Variants in DLG2 observed in about 807,000 individuals in gnomAD.
The protein encoded by DLG2 is discs large MAGUK scaffold protein 2.
In DLG2, 45 loss-of-function variants were observed where a neutral mutation model predicts 132.5. That is an observed-to-expected ratio of 0.34 (90% confidence interval 0.27 to 0.44). The LOEUF is 0.44. Among genes scored for constraint, DLG2 ranks in the 20% least tolerant of loss-of-function variants. The pLI, the probability that DLG2 is intolerant of heterozygous loss-of-function variation, is 1.00. For synonymous variants in DLG2, 424 were observed against 419.6 expected (o/e 1.01, Z -0.13); for missense variants, 1,045 against 1,196.9 (o/e 0.87, Z 1.87).
At chr11:84,271,181 A>G (rs1426678582) in intron 7 of DLG2, among the ~76,000 whole-genome samples, 1 of 152,228 alleles carries the variant, frequency 6.6e-6, no homozygotes, top group Non-Finnish European at 1.5e-5. Flanking sequence ...TGAAATTGTG[A>G]TGATATAATC....
intron 6 of DLG2, among the ~76,000 whole-genome samples, chr11:84,702,740 T>C (rs2059340367): frequency 6.6e-6 from 1 of 151,636 alleles, no homozygotes; most frequent in Non-Finnish European, 1.5e-5. Context: ...TCCTATCATG[T>C]CTTTCCCTTC....
intron 19 of DLG2, among the ~76,000 whole-genome samples, chr11:83,630,116 T>C (rs115675599): frequency 5.3e-5 from 8 of 152,228 alleles, no homozygotes; most frequent in African/African-American, 1.9e-4. Context: ...AAAGTATAAC[T>C]AGATTAGAAA....
intron 11 of DLG2, among the ~76,000 whole-genome samples, chr11:84,006,786 T>G (rs1361216029): frequency 6.6e-6 from 1 of 151,582 alleles, no homozygotes; most frequent in Non-Finnish European, 1.5e-5. Flanking sequence ...CAGTAATCAC[T>G]CATTAAAAAC....
chr11:84,490,036 T>C (rs1042358327), intron 7 of DLG2, among the ~76,000 whole-genome samples: 2 of 152,124 alleles, frequency 1.3e-5, no homozygotes, highest in African/African-American at 4.8e-5. Context: ...TTAAGAATGA[T>C]TATTTAAAAG....
intron 4 of DLG2, among the ~76,000 whole-genome samples, chr11:85,227,475 A>G (rs1018095739): frequency 6.6e-6 from 1 of 152,142 alleles, no homozygotes. Context: ...TGGATGGTAA[A>G]GATCTCTCTG....
intron 6 of DLG2, among the ~76,000 whole-genome samples, chr11:84,975,356 A>G (rs935695676): frequency 1.3e-5 from 2 of 152,196 alleles, no homozygotes; most frequent in Admixed American, 1.3e-4. Context: ...AAGTCATAGT[A>G]TCAGCCTTCT....
chr11:83,715,970 TC>T (rs2086602141), intron 18 of DLG2, among the ~76,000 whole-genome samples: 2 of 152,272 alleles, frequency 1.3e-5, no homozygotes, highest in Admixed American at 1.3e-4. Flanking sequence ...CCTATAAGAC[TC>T]CCATAGTATT....
At chr11:83,797,588 C>A (rs533811250) in intron 17 of DLG2, among the ~76,000 whole-genome samples, 1 of 151,822 alleles carries the variant, frequency 6.6e-6, no homozygotes, top group Non-Finnish European at 1.5e-5. Context: ...GGTGCTATCT[C>A]GCTCACTGCA....
At chr11:84,549,416 A>G (rs2099397210) in intron 6 of DLG2, among the ~76,000 whole-genome samples, 1 of 152,220 alleles carries the variant, frequency 6.6e-6, no homozygotes, top group South Asian at 2.1e-4. Flanking sequence ...GTGAGTGAGA[A>G]TCATTCACTA....
In DLG2 at chr11:85,620,252, C is replaced by T. The variant is rs571101872; in HGVS notation, c.-93+6335G>A. On this transcript the variant is annotated intron_variant, in intron 2 of 27. Coordinates refer to ENST00000376104, the MANE Select transcript of DLG2 (RefSeq NM_001142699.3). ...ACCCACATAAGACAGCAAACTTAAT[C>T]TGTAAATGTTGTGTGTTATCTGACT... 2.0e-5 allele frequency among the ~76,000 whole-genome samples: 3 copies of T among 152,298 alleles called. No homozygotes were observed. In the East Asian group the frequency reaches 5.8e-4, roughly 29 times the overall value.
At chr11:84,312,295 C>T (rs1396555669) in intron 7 of DLG2, among the ~76,000 whole-genome samples, 1 of 151,980 alleles carries the variant, frequency 6.6e-6, no homozygotes, top group East Asian at 1.9e-4. Context: ...ATGGTGAAAC[C>T]CCATCTCTAA....
intron 3 of DLG2, among the ~76,000 whole-genome samples, chr11:85,482,260 C>A (rs1004257493): frequency 6.6e-6 from 1 of 152,156 alleles, no homozygotes; most frequent in Admixed American, 6.5e-5. Flanking sequence ...CCAGGCTCCA[C>A]CCAGTCCAAG....
intron 6 of DLG2, among the ~76,000 whole-genome samples, chr11:85,072,577 T>G (rs2066008303): frequency 6.6e-6 from 1 of 151,854 alleles, no homozygotes; most frequent in Non-Finnish European, 1.5e-5. Flanking sequence ...ATACATTTCG[T>G]CATTTAATTA....
intron 6 of DLG2, among the ~76,000 whole-genome samples, chr11:84,738,127 A>T (rs2064107871): frequency 6.6e-6 from 1 of 152,120 alleles, no homozygotes; most frequent in Non-Finnish European, 1.5e-5. Flanking sequence ...AGGCTCAGAA[A>T]TAGGTATCAT....
At chr11:84,856,907 T>G (rs1371873752) in intron 6 of DLG2, among the ~76,000 whole-genome samples, 1 of 151,920 alleles carries the variant, frequency 6.6e-6, no homozygotes, top group East Asian at 1.9e-4. Flanking sequence ...TATAAACAAG[T>G]AATATGAAGA....
intron 17 of DLG2, among the ~76,000 whole-genome samples, chr11:83,820,667 G>A (rs2050517241): frequency 6.6e-6 from 1 of 152,034 alleles, no homozygotes; most frequent in African/African-American, 2.4e-5. Context: ...AAATACTGTG[G>A]GCCTGACAAC....
intron 3 of DLG2, among the ~76,000 whole-genome samples, chr11:85,503,982 T>C (rs531454252): frequency 2.0e-5 from 3 of 152,252 alleles, no homozygotes; most frequent in African/African-American, 4.8e-5. Flanking sequence ...CATTTTGTCA[T>C]GTGTCTGTTG....
At chr11:83,586,403 AC>A (rs1249412118) in intron 19 of DLG2, among the ~76,000 whole-genome samples, 5 of 152,242 alleles carry the variant, frequency 3.3e-5, no homozygotes, top group Non-Finnish European at 7.3e-5. Context: ...CAGCTAGGTG[AC>A]TGGGTCAATT....
At chr11:83,683,583 T>C (rs1218492248) in intron 18 of DLG2, among the ~76,000 whole-genome samples, 1 of 152,180 alleles carries the variant, frequency 6.6e-6, no homozygotes, top group Non-Finnish European at 1.5e-5. Context: ...TTGCCACTAA[T>C]TTACTAAAAC....
Sources: allele counts gnomAD v4.1 joint callset (sites outside exome capture counted in the v4.1 genomes callset), GRCh38; gene constraint gnomAD v4.1.1; transcripts MANE v1.5; gene names NCBI Gene and HGNC (gene_info 2026-07-23, HGNC 2026-07-21).